Variants in PAM observed in about 807,000 individuals in gnomAD.
PAM encodes peptidyl-glycine alpha-amidating monooxygenase.
In PAM, 72 loss-of-function variants were observed where a neutral mutation model predicts 122.1. The observed-to-expected ratio is 0.59, with a 90% confidence interval of 0.49 to 0.72. The LOEUF is 0.72. PAM is among the 30% of genes least tolerant of loss of function. The probability of loss-of-function intolerance (pLI) is 0.00; values close to 1 mark genes in which losing one functional copy is unlikely to be tolerated. For synonymous variants in PAM, 389 were observed against 404.4 expected (o/e 0.96, Z 0.46); for missense variants, 1,106 against 1,183.7 (o/e 0.93, Z 0.96).
At chr5:102,803,821 G>T (rs986468680) in intron 1 of PAM, among the ~76,000 whole-genome samples, 1 of 152,170 alleles carries the variant, frequency 6.6e-6, no homozygotes, top group African/African-American at 2.4e-5. Flanking sequence ...AATAAGAGGT[G>T]AATATTGACT....
At chr5:102,755,659 C>G (rs1337100019) in intron 1 of PAM, among the ~76,000 whole-genome samples, 4 of 152,042 alleles carry the variant, frequency 2.6e-5, no homozygotes, top group African/African-American at 7.2e-5. Context: ...TCCGGTCCTT[C>G]TCACCTCCGC....
In PAM at chr5:103,009,225, C is replaced by A. The variant is rs570637212; in HGVS notation, c.2216-526C>A. On this transcript the variant is annotated intron_variant, in intron 20 of 25. Coordinates refer to ENST00000438793, the MANE Select transcript of PAM (RefSeq NM_001177306.2). ...TCTTTTTTAATTAAGGAAAATATGT[C>A]TTTGATAATCTGAAATATACATCTC... Among the ~76,000 whole-genome samples the A allele has an allele frequency of 3.3e-5, 5 of 152,170 alleles. No individual in the cohort carries two copies. In the South Asian group the frequency reaches 1.0e-3, roughly 31 times the overall value.
At chr5:102,809,441 A>G (rs1767250872) in intron 1 of PAM, among the ~76,000 whole-genome samples, 1 of 152,160 alleles carries the variant, frequency 6.6e-6, no homozygotes. Flanking sequence ...TAATTAATTA[A>G]TAGATAGCTT....
At chr5:102,812,374 T>C (rs1205647438) in intron 1 of PAM, among the ~76,000 whole-genome samples, 1 of 152,084 alleles carries the variant, frequency 6.6e-6, no homozygotes, top group Non-Finnish European at 1.5e-5. Flanking sequence ...TTTTAACTTC[T>C]GCTAAATACA....
intron 1 of PAM, among the ~76,000 whole-genome samples, chr5:102,834,904 A>G (rs1036009174): frequency 1.3e-5 from 2 of 152,150 alleles, no homozygotes; most frequent in Non-Finnish European, 2.9e-5. Flanking sequence ...AGGCAGTTAC[A>G]GTAACCTGGA....
intron 1 of PAM, among the ~76,000 whole-genome samples, chr5:102,851,665 G>T (rs2150736572): frequency 6.6e-6 from 1 of 152,224 alleles, no homozygotes; most frequent in East Asian, 1.9e-4. Flanking sequence ...AGGAAAATAG[G>T]CCATTTTAAC....
Position 102,981,396 on chromosome 5 carries a change from T to C in PAM, c.1483+6960T>C, listed in dbSNP as rs1646366079. ...TATATGTGTTTATTGTCTTTATTGA[T>C]AGTAATCAGCCAATTAGCATTTTCA... is the stretch of plus-strand genomic sequence containing the variant. On this transcript the variant is annotated intron_variant, in intron 15 of 25. Coordinates refer to ENST00000438793, the MANE Select transcript of PAM (RefSeq NM_001177306.2). Among the ~76,000 whole-genome samples the C allele has an allele frequency of 2.6e-5, 4 of 152,258 alleles. No homozygotes were observed. In the South Asian group the frequency reaches 8.3e-4, roughly 32 times the overall value.
intron 3 of PAM, among the ~76,000 whole-genome samples, chr5:102,872,458 A>G: frequency 6.6e-6 from 1 of 152,210 alleles, no homozygotes; most frequent in African/African-American, 2.4e-5. Flanking sequence ...TGTTTTCTCA[A>G]ATTAACAGTC....
intron 14 of PAM, among the ~76,000 whole-genome samples, chr5:102,967,654 A>G (rs1562068950): frequency 6.6e-6 from 1 of 152,104 alleles, no homozygotes; most frequent in Non-Finnish European, 1.5e-5. Flanking sequence ...TATTTTTAGA[A>G]CATCTTAAAG....
chr5:102,795,986 G>A lies in PAM; in HGVS notation c.-374+40638G>A, dbSNP rs545238686. 2.6e-5 allele frequency among the ~76,000 whole-genome samples: 4 copies of A among 152,066 alleles called. No homozygotes were observed. In the East Asian group the frequency reaches 7.7e-4, roughly 29 times the overall value. On this transcript the variant is annotated intron_variant, in intron 1 of 25. Coordinates refer to ENST00000438793, the MANE Select transcript of PAM (RefSeq NM_001177306.2). ...TTAGTTTATACTTGAAGATTTAGAG[G>A]CCTGTGATATTTTGTTTAAAGGCTT...
intron 24 of PAM, 121 bp from the exon 25 acceptor site, chr5:103,028,064 C>A (rs975700262): frequency 2.7e-6 from 2 of 729,140 alleles, no homozygotes; most frequent in Admixed American, 2.4e-5. Context: ...GAATTGCATA[C>A]AGACAAGAGC....
At chr5:102,998,543 C>T (rs62362544) in intron 16 of PAM, among the ~76,000 whole-genome samples, 39,317 of 151,676 alleles carry the variant, frequency 0.26, 5,688 homozygotes, top group East Asian at 0.44. Context: ...TTCCACAGGT[C>T]GGGATGGGGT....
At chr5:102,870,578 G>T (rs1351040598) in intron 3 of PAM, among the ~76,000 whole-genome samples, 1 of 152,120 alleles carries the variant, frequency 6.6e-6, no homozygotes, top group African/African-American at 2.4e-5. Flanking sequence ...ATTATCTGTT[G>T]CAATATCAAT....
chr5:102,903,056 AGG>A (rs1167150505), intron 4 of PAM, among the ~76,000 whole-genome samples: 1 of 151,634 alleles, frequency 6.6e-6, no homozygotes. Flanking sequence ...AAACACATAA[AGG>A]TCTATATTAG....
chr5:102,901,232 C>T (rs1157254112), intron 3 of PAM, 124 bp from the exon 4 acceptor site: 1 of 604,538 alleles, frequency 1.7e-6, no homozygotes, highest in Non-Finnish European at 3.0e-6. Context: ...GCCACTCAGC[C>T]CTCAGAAGGA....
At chr5:102,976,409 G>T (rs552912260) in intron 15 of PAM, among the ~76,000 whole-genome samples, 1 of 148,164 alleles carries the variant, frequency 6.7e-6, no homozygotes, top group South Asian at 2.1e-4. Context: ...CTTCCATTTT[G>T]TAAAAAAAAA....
At chr5:102,979,969 G>A (rs1006367003) in intron 15 of PAM, among the ~76,000 whole-genome samples, 1 of 151,854 alleles carries the variant, frequency 6.6e-6, no homozygotes, top group Non-Finnish European at 1.5e-5. Flanking sequence ...TAAGATTTCA[G>A]GGGTTCTTTC....
intron 16 of PAM, 38 bp from the exon 17 acceptor site, chr5:103,002,995 A>G: frequency 1.1e-6 from 1 of 911,056 alleles, no homozygotes; most frequent in Non-Finnish European, 1.8e-6. Flanking sequence ...ATTGGAATTT[A>G]TGATTGTTTC....
At chr5:103,024,439 C>A (rs1784402538) in intron 23 of PAM, among the ~76,000 whole-genome samples, 1 of 152,184 alleles carries the variant, frequency 6.6e-6, no homozygotes, top group Non-Finnish European at 1.5e-5. Flanking sequence ...ATATACAGTT[C>A]ATCTGTCTGT....
Sources: gnomAD v4.1 joint callset for allele counts (sites outside exome capture counted in the v4.1 genomes callset) on GRCh38, gnomAD v4.1.1 for gene constraint, MANE v1.5 for transcripts, NCBI Gene and HGNC (gene_info 2026-07-23, HGNC 2026-07-21) for gene names.